The following NRXN1 variants were observed in gnomAD, a reference collection of about 807,000 sequenced individuals.
The protein encoded by NRXN1 is neurexin 1.
A neutral mutation model predicts 150.9 loss-of-function variants in NRXN1; 39 were observed. The ratio of observed to expected loss-of-function variants is 0.26; its 90% CI spans 0.20 to 0.34. The LOEUF (loss-of-function observed/expected upper bound fraction) is 0.34, where lower values mean the gene tolerates loss of function less well. Among genes scored for constraint, NRXN1 ranks in the 10% least tolerant of loss-of-function variants. NRXN1 has a pLI of 1.00. For synonymous variants in NRXN1, 924 were observed against 757.0 expected (o/e 1.22, Z -3.62); for missense variants, 1,815 against 1,949.9 (o/e 0.93, Z 1.30).
intron 17 of NRXN1, among the ~76,000 whole-genome samples, chr2:50,269,876 C>A (rs1335556946): frequency 6.6e-6 from 1 of 152,112 alleles, no homozygotes; most frequent in African/African-American, 2.4e-5. Context: ...AAATTTTACT[C>A]TAGTTTTTCT....
rs113827250 is a variant in NRXN1 at position 50,198,898 on chromosome 2, G to C, written c.3546+37891C>G. Among the ~76,000 whole-genome samples the C allele has an allele frequency of 1.4e-4, 22 of 152,234 alleles. 1 individual carries two copies. The highest frequency in any genetic ancestry group is 5.3e-4 in the African/African-American group (22 of 41,550). ...TTTGGAGCACAGGTATATCTCCAAA[G>C]AGGAAAGGCCTAATTTTGTCCCCAG... is the stretch of plus-strand genomic sequence containing the variant. On this transcript the variant is annotated intron_variant, in intron 18 of 22. Coordinates refer to ENST00000401669, the MANE Select transcript of NRXN1 (RefSeq NM_001330078.2).
At chr2:50,985,374 C>G in intron 2 of NRXN1, 1 of 151,646 alleles carries the variant, frequency 6.6e-6, no homozygotes, top group Non-Finnish European at 1.5e-5. Flanking sequence ...TAAAAATTAC[C>G]TATATTAGAA....
At chr2:50,702,889 C>A (rs1364608996) in intron 5 of NRXN1, among the ~76,000 whole-genome samples, 1 of 152,008 alleles carries the variant, frequency 6.6e-6, no homozygotes, top group African/African-American at 2.4e-5. Context: ...CCAGGATTCT[C>A]CATTATATCT....
intron 17 of NRXN1, among the ~76,000 whole-genome samples, chr2:50,308,022 T>G (rs2074798106): frequency 1.3e-5 from 2 of 152,224 alleles, no homozygotes; most frequent in African/African-American, 2.4e-5. Context: ...AATGAAATAT[T>G]TACTGCAGTC....
intron 17 of NRXN1, among the ~76,000 whole-genome samples, chr2:50,256,252 T>C (rs1287899184): frequency 1.3e-5 from 2 of 152,108 alleles, no homozygotes; most frequent in Non-Finnish European, 2.9e-5. Flanking sequence ...CTGGGAGAAA[T>C]GATGCTACTA....
intron 8 of NRXN1, among the ~76,000 whole-genome samples, chr2:50,613,509 A>T (rs2104126054): frequency 6.6e-6 from 1 of 152,356 alleles, no homozygotes; most frequent in African/African-American, 2.4e-5. Flanking sequence ...CTGTAGCCAC[A>T]GTCAGTCCAC....
At chr2:50,997,691 T>C (rs966468659) in intron 2 of NRXN1, among the ~76,000 whole-genome samples, 1 of 140,190 alleles carries the variant, frequency 7.1e-6, no homozygotes, top group African/African-American at 3.0e-5. Context: ...AAAAAAATTA[T>C]CTGGAGACGG....
intron 17 of NRXN1, among the ~76,000 whole-genome samples, chr2:50,249,608 T>C (rs577570474): frequency 6.6e-6 from 1 of 151,896 alleles, no homozygotes; most frequent in Non-Finnish European, 1.5e-5. Context: ...TCAACTATCA[T>C]GACCCATCCA....
At chr2:50,741,808 C>T (rs1300334215) in intron 5 of NRXN1, among the ~76,000 whole-genome samples, 1 of 152,090 alleles carries the variant, frequency 6.6e-6, no homozygotes, top group East Asian at 1.9e-4. Context: ...GGAACCCTAA[C>T]CCTAATCATC....
chr2:50,606,830 C>T (rs1243624371), intron 8 of NRXN1, among the ~76,000 whole-genome samples: 2 of 152,076 alleles, frequency 1.3e-5, no homozygotes, highest in Non-Finnish European at 2.9e-5. Flanking sequence ...AGAAAAACTA[C>T]TAGGAATGCA....
intron 18 of NRXN1, among the ~76,000 whole-genome samples, chr2:50,225,747 T>C (rs1375343697): frequency 6.6e-6 from 1 of 151,998 alleles, no homozygotes; most frequent in African/African-American, 2.4e-5. Flanking sequence ...TTGGTACATT[T>C]TTTTAAACTG....
chr2:50,566,465 G>C (rs1047915935), intron 8 of NRXN1, among the ~76,000 whole-genome samples: 2 of 148,112 alleles, frequency 1.4e-5, no homozygotes, highest in East Asian at 4.0e-4. Flanking sequence ...ATGTTGGCCA[G>C]GCTGGTCTGA....
chr2:50,559,077 G>A (rs1172964428), intron 8 of NRXN1, among the ~76,000 whole-genome samples: 6 of 151,276 alleles, frequency 4.0e-5, no homozygotes, highest in South Asian at 2.1e-4. Context: ...GTGAGACTCC[G>A]TCTCAAAAAA....
chr2:50,058,942 C>T (rs1694067873), intron 19 of NRXN1, among the ~76,000 whole-genome samples: 2 of 152,098 alleles, frequency 1.3e-5, no homozygotes, highest in Non-Finnish European at 2.9e-5. Flanking sequence ...ATTACCCAGT[C>T]TTGGGTATTT....
At chr2:50,582,969 C>G (rs1251121477) in intron 8 of NRXN1, among the ~76,000 whole-genome samples, 1 of 151,072 alleles carries the variant, frequency 6.6e-6, no homozygotes, top group Non-Finnish European at 1.5e-5. Flanking sequence ...TATATATTGT[C>G]TCTCTCCCTC....
chr2:50,290,508 T>G (rs2072780606), intron 17 of NRXN1, among the ~76,000 whole-genome samples: 2 of 152,168 alleles, frequency 1.3e-5, no homozygotes, highest in South Asian at 4.1e-4. Context: ...TTTGTGTGAT[T>G]TGAGTATTCT....
At chr2:50,756,839 T>C (rs1334941641) in intron 5 of NRXN1, among the ~76,000 whole-genome samples, 4 of 151,774 alleles carry the variant, frequency 2.6e-5, no homozygotes, top group Non-Finnish European at 5.9e-5. Flanking sequence ...TTCACTCTCT[T>C]ATAAGAGCAT....
chr2:50,370,443 G>A (rs979068023), intron 17 of NRXN1, among the ~76,000 whole-genome samples: 3 of 151,948 alleles, frequency 2.0e-5, no homozygotes, highest in African/African-American at 7.2e-5. Context: ...ACAGGTGCTC[G>A]TAAATGTCTG....
chr2:50,859,367 A>G (rs1324165336), intron 5 of NRXN1, among the ~76,000 whole-genome samples: 1 of 152,062 alleles, frequency 6.6e-6, no homozygotes. Flanking sequence ...AAGGGAAAAT[A>G]TTTAAGTGTC....
Sources: gnomAD v4.1 joint callset for allele counts (sites outside exome capture counted in the v4.1 genomes callset) on GRCh38, gnomAD v4.1.1 for gene constraint, MANE v1.5 for transcripts, NCBI Gene and HGNC (gene_info 2026-07-23, HGNC 2026-07-21) for gene names.